Variants in GDA observed in about 807,000 individuals in gnomAD.
GDA encodes the protein guanine deaminase.
GDA carries 18 observed loss-of-function variants against 59.6 expected under a neutral mutation model. The ratio of observed to expected loss-of-function variants is 0.30; its 90% CI spans 0.21 to 0.45. GDA has a LOEUF of 0.45. Among genes scored for constraint, GDA ranks in the 20% least tolerant of loss-of-function variants. The pLI is 1.00. For synonymous variants in GDA, 201 were observed against 201.1 expected (o/e 1.00, Z 0.00); for missense variants, 427 against 552.3 (o/e 0.77, Z 2.27).
intron 1 of GDA, among the ~76,000 whole-genome samples, chr9:72,117,882 G>A (rs537805520): frequency 2.8e-4 from 42 of 152,158 alleles, no homozygotes; most frequent in Non-Finnish European, 4.4e-4. Context: ...AGTCACTGAG[G>A]TCAGCTACTC....
chr9:72,148,813 G>C (rs1314447111), upstream of GDA, among the ~76,000 whole-genome samples: 1 of 152,106 alleles, frequency 6.6e-6, no homozygotes, highest in Non-Finnish European at 1.5e-5. Flanking sequence ...TTTGACTTGA[G>C]AACTTAATTT....
chr9:72,140,627 A>G (rs1564154634), intron 1 of GDA, among the ~76,000 whole-genome samples: 1 of 152,188 alleles, frequency 6.6e-6, no homozygotes, highest in Non-Finnish European at 1.5e-5. Flanking sequence ...TTAATGATAA[A>G]ATTGATGTTG....
intron 1 of GDA, among the ~76,000 whole-genome samples, chr9:72,194,905 A>G (rs1170619233): frequency 2.0e-5 from 3 of 152,184 alleles, no homozygotes; most frequent in Admixed American, 2.0e-4. Context: ...TTTCTGCTAT[A>G]ACAGAACAGC....
intron 12 of GDA, among the ~76,000 whole-genome samples, chr9:72,246,510 A>G (rs886175245): frequency 6.6e-6 from 1 of 152,248 alleles, no homozygotes; most frequent in Non-Finnish European, 1.5e-5. Flanking sequence ...CCCAAGAAAC[A>G]GGTAAACTTG....
At position 72,249,568 on chromosome 9, in the gene GDA, C is replaced by A; in HGVS notation, c.*1226C>A. 1 of 607,766 alleles carries A rather than the reference C, an allele frequency of 1.6e-6. No individual in the cohort carries two copies. Among genetic ancestry groups the A allele is most frequent in the Non-Finnish European group, 2.1e-6 (1 of 485,472 alleles). 37.6% of individuals were successfully genotyped at this position (607,766 alleles called of 1,614,324 possible). ...TTAATTCTTACTAGACATCTAGGAA[C>A]ATTACAAAGCAAAGACTATTTTTAT... On this transcript the variant is annotated 3_prime_UTR_variant, in exon 14 of 14. Transcript: ENST00000358399.
chr9:72,240,493 G>T (rs952614522), intron 10 of GDA, among the ~76,000 whole-genome samples: 1 of 152,070 alleles, frequency 6.6e-6, no homozygotes. Context: ...TGAGTATTGT[G>T]GTGGGTTGAA....
intron 13 of GDA, 121 bp downstream of exon 13, chr9:72,247,554 T>C: frequency 3.1e-6 from 2 of 636,956 alleles, no homozygotes; most frequent in Non-Finnish European, 5.6e-6. Context: ...TAATTTGCTT[T>C]GATTCATTAT....
At chr9:72,135,000 C>G (rs954298260) in intron 1 of GDA, among the ~76,000 whole-genome samples, 1 of 152,142 alleles carries the variant, frequency 6.6e-6, no homozygotes, top group African/African-American at 2.4e-5. Flanking sequence ...TGGTTACTTC[C>G]CTGTTGTGCA....
At position 72,149,550 on chromosome 9, in the gene GDA, C is replaced by A; in HGVS notation, c.-10C>A. 1 of 1,609,024 alleles carries A rather than the reference C, an allele frequency of 6.2e-7. No homozygotes were observed. ...CGACCAGCAGACCCGCGCTGCGCTC[C>A]GCCGCTGACATGTGTGCCGCTCAGA... On this transcript the variant is annotated 5_prime_UTR_variant, in exon 1 of 14. Transcript: ENST00000358399.
At chr9:72,159,223 G>A (rs1320335467) in intron 1 of GDA, among the ~76,000 whole-genome samples, 4 of 152,022 alleles carry the variant, frequency 2.6e-5, no homozygotes, top group African/African-American at 7.3e-5. Context: ...GTGAAACCCC[G>A]TCTCTACTAA....
Position 72,134,600 on chromosome 9 carries a change from C to T in GDA, c.-100+19767C>T, listed in dbSNP as rs886191120. ...TTATTTTTAGTAGAGATTGGGGTTT[C>T]ACCATGTTGGTCAGGCTGGCCTGGA... On this transcript the variant is annotated intron_variant, in intron 1 of 13. Transcript: ENST00000545168. 2.0e-5 allele frequency among the ~76,000 whole-genome samples: 3 copies of T among 152,180 alleles called. 1 individual carries two copies. Among genetic ancestry groups the T allele is most frequent in the Admixed American group, 6.5e-5 (1 of 15,288 alleles).
chr9:72,171,718 A>G (rs1382689487), intron 1 of GDA, among the ~76,000 whole-genome samples: 2 of 151,890 alleles, frequency 1.3e-5, no homozygotes, highest in African/African-American at 4.8e-5. Flanking sequence ...GGTCCTGCAA[A>G]GTGCTACCTA....
intron 1 of GDA, among the ~76,000 whole-genome samples, chr9:72,194,658 G>C (rs571151181): frequency 6.6e-6 from 1 of 152,260 alleles, no homozygotes; most frequent in African/African-American, 2.4e-5. Context: ...TCCCGGCCCA[G>C]TCTATTGTCT....
chr9:72,149,332 C>G (rs993859461), upstream of GDA: 1 of 540,756 alleles, frequency 1.8e-6, no homozygotes. Flanking sequence ...CCCACGGGAG[C>G]GCGGAGCCAA....
intron 1 of GDA, among the ~76,000 whole-genome samples, chr9:72,194,830 C>T (rs1832957825): frequency 6.6e-6 from 1 of 152,188 alleles, no homozygotes; most frequent in Non-Finnish European, 1.5e-5. Flanking sequence ...CAATTCCCCT[C>T]TGGCCAAGGC....
intron 1 of GDA, among the ~76,000 whole-genome samples, chr9:72,126,862 C>T (rs1459565080): frequency 6.6e-6 from 1 of 151,922 alleles, no homozygotes; most frequent in African/African-American, 2.4e-5. Flanking sequence ...CCACCACACC[C>T]GGCAGAACCT....
intron 11 of GDA, 33 bp downstream of exon 11, chr9:72,241,331 A>G (rs759778859): frequency 1.6e-5 from 24 of 1,523,532 alleles, no homozygotes; most frequent in Non-Finnish European, 2.2e-5. Context: ...CTCACACAAT[A>G]TACAACCATG....
rs146559129 is a variant in GDA, at chr9:72,218,046, T to C, written c.579-1433T>C. ...ATCATATCTCAGCCTCCCTAGTAGC[T>C]CGGATTACAGGCCCCTGCCACCATG... On this transcript the variant is annotated intron_variant, in intron 5 of 13. Transcript: ENST00000358399. 1.2e-3 allele frequency among the ~76,000 whole-genome samples: 180 copies of C among 152,178 alleles called. 1 individual carries two copies. Among genetic ancestry groups the C allele is most frequent in the African/African-American group, 4.1e-3 (172 of 41,516 alleles).
chr9:72,241,575 G>A (rs1839615861), intron 11 of GDA, among the ~76,000 whole-genome samples: 2 of 152,150 alleles, frequency 1.3e-5, no homozygotes, highest in Admixed American at 1.3e-4. Context: ...ATGGATATGA[G>A]TGCTTTAAAA....
Sources: allele counts gnomAD v4.1 joint callset (sites outside exome capture counted in the v4.1 genomes callset), GRCh38; gene constraint gnomAD v4.1.1; transcripts MANE v1.5; gene names NCBI Gene and HGNC (gene_info 2026-07-23, HGNC 2026-07-21).